RBFOX2: variants seen among roughly 807,000 people sequenced by gnomAD.
RBFOX2 encodes RNA binding fox-1 homolog 2.
Under a neutral mutation model 49.1 loss-of-function variants are expected in RBFOX2, and 10 were observed. The observed-to-expected ratio is 0.20, with a 90% confidence interval of 0.13 to 0.35. The LOEUF (loss-of-function observed/expected upper bound fraction) is 0.35. RBFOX2 is among the 10% of genes least tolerant of loss of function. The probability of loss-of-function intolerance (pLI) is 1.00; values close to 1 mark genes in which losing one functional copy is unlikely to be tolerated. For synonymous variants in RBFOX2, 183 were observed against 187.4 expected, an observed-to-expected ratio of 0.98 and a Z score of 0.19; for missense variants, 323 against 486.9, an observed-to-expected ratio of 0.66 and a Z score of 3.17.
chr22:36,018,255 C>T (rs1181330361), intron 1 of RBFOX2, among the ~76,000 whole-genome samples: 1 of 152,114 alleles, frequency 6.6e-6, no homozygotes, highest in Admixed American at 6.5e-5. Context: ...GAGCTATAGA[C>T]ATGATGTCTT....
At chr22:36,007,614 A>AT (rs974300445) in intron 1 of RBFOX2, among the ~76,000 whole-genome samples, 1 of 152,150 alleles carries the variant, frequency 6.6e-6, no homozygotes, top group Admixed American at 6.5e-5. Flanking sequence ...TGTTGGTATG[A>AT]TTTTTTTATA....
intron 1 of RBFOX2, among the ~76,000 whole-genome samples, chr22:35,820,162 G>GATAGAAATCCT (rs1954142439): frequency 1.3e-5 from 2 of 152,112 alleles, no homozygotes; most frequent in Non-Finnish European, 2.9e-5. Context: ...ACTGCAGGGA[G>GATAGAAATCCT]GTTAGCTTTT....
At chr22:35,762,042 A>G (rs2146366795) in intron 6 of RBFOX2, among the ~76,000 whole-genome samples, 1 of 152,344 alleles carries the variant, frequency 6.6e-6, no homozygotes, top group South Asian at 2.1e-4. Flanking sequence ...CTAAAAAAGG[A>G]AAGACATGAA....
At chr22:35,840,348 CGT>C in exon 1 of RBFOX2, 5 of 1,557,908 alleles carry the variant, frequency 3.2e-6, no homozygotes, top group Non-Finnish European at 2.6e-6. Flanking sequence ...CTCTTTATAC[CGT>C]TTTCCTTCCT....
chr22:35,878,171 T>G (rs2045406272), intron 1 of RBFOX2, among the ~76,000 whole-genome samples: 1 of 151,810 alleles, frequency 6.6e-6, no homozygotes, highest in Non-Finnish European at 1.5e-5. Context: ...CCGAGGTTGG[T>G]GGATCCCCTA....
At chr22:35,784,000 C>A (rs543878235) in intron 2 of RBFOX2, among the ~76,000 whole-genome samples, 2 of 152,294 alleles carry the variant, frequency 1.3e-5, no homozygotes, top group South Asian at 4.1e-4. Flanking sequence ...ACCCCGTGGC[C>A]CGTCCTCAGG....
chr22:35,824,880 T>C (rs1310217443), intron 1 of RBFOX2, among the ~76,000 whole-genome samples: 3 of 152,234 alleles, frequency 2.0e-5, no homozygotes, highest in Non-Finnish European at 4.4e-5. Context: ...AACTTCATTA[T>C]TATCATTATC....
chr22:35,879,158 G>A (rs2045549613), intron 1 of RBFOX2, among the ~76,000 whole-genome samples: 1 of 152,246 alleles, frequency 6.6e-6, no homozygotes. Context: ...GAAGACATGA[G>A]TATATCTGGA....
At chr22:35,752,325 C>T (rs1408820919) in intron 9 of RBFOX2, among the ~76,000 whole-genome samples, 3 of 152,120 alleles carry the variant, frequency 2.0e-5, no homozygotes, top group Admixed American at 2.0e-4. Context: ...ATGTGACTGA[C>T]AGATTAAAAG....
chr22:36,019,390 A>T (rs185519540), intron 1 of RBFOX2, among the ~76,000 whole-genome samples: 2 of 152,318 alleles, frequency 1.3e-5, no homozygotes, highest in Admixed American at 1.3e-4. Context: ...CACTTAATCA[A>T]TCAGAAGCAC....
At chr22:36,021,059 T>C (rs1024946528) in intron 1 of RBFOX2, among the ~76,000 whole-genome samples, 1 of 151,992 alleles carries the variant, frequency 6.6e-6, no homozygotes, top group Admixed American at 6.6e-5. Context: ...TGGAATACCA[T>C]GCAGCCCTAA....
chr22:35,768,406 T>C (rs1425052332), intron 4 of RBFOX2, 57 bp from the exon 6 acceptor site: 5 of 1,435,552 alleles, frequency 3.5e-6, no homozygotes, highest in Non-Finnish European at 4.9e-6. Flanking sequence ...GAAATACTGA[T>C]CTCTTGGTAA....
chr22:35,753,937 C>T (rs1935964638), intron 9 of RBFOX2, among the ~76,000 whole-genome samples: 1 of 151,832 alleles, frequency 6.6e-6, no homozygotes, highest in South Asian at 2.1e-4. Context: ...CGTGTGCCAC[C>T]ACGCCTGGCT....
chr22:35,885,746 T>C (rs1400257463), intron 1 of RBFOX2, among the ~76,000 whole-genome samples: 3 of 151,870 alleles, frequency 2.0e-5, no homozygotes, highest in Non-Finnish European at 4.4e-5. Flanking sequence ...GAATAGATGG[T>C]CTATATTTAA....
At chr22:35,936,146 A>AC (rs2053039307) in intron 1 of RBFOX2, among the ~76,000 whole-genome samples, 14 of 150,784 alleles carry the variant, frequency 9.3e-5, no homozygotes, top group African/African-American at 3.4e-4. Context: ...CCAGGGGTCA[A>AC]GGCTGCAGTG....
chr22:35,843,910 C>CA (rs1348155455), upstream of RBFOX2, among the ~76,000 whole-genome samples: 6 of 152,210 alleles, frequency 3.9e-5, no homozygotes, highest in Non-Finnish European at 8.8e-5. Flanking sequence ...AAGAAGTTAA[C>CA]ATTGCTGACC....
chr22:35,769,975 G>A (rs1315727443), intron 4 of RBFOX2, among the ~76,000 whole-genome samples: 2 of 152,138 alleles, frequency 1.3e-5, no homozygotes, highest in African/African-American at 4.8e-5. Flanking sequence ...TGCTTGGAAT[G>A]AAATACTACT....
At chr22:35,941,720 C>A (rs979438302), upstream of RBFOX2, among the ~76,000 whole-genome samples, 3 of 151,920 alleles carry the variant, frequency 2.0e-5, no homozygotes, top group African/African-American at 7.3e-5. Flanking sequence ...TCCTGGAGTT[C>A]AACAATGAAA....
intron 1 of RBFOX2, among the ~76,000 whole-genome samples, chr22:35,881,603 A>T (rs1046164486): frequency 3.4e-5 from 5 of 147,386 alleles, no homozygotes; most frequent in African/African-American, 1.0e-4. Flanking sequence ...AAAGGAAGAA[A>T]TTTTTTTTTA....
Sources: allele counts gnomAD v4.1 joint callset (sites outside exome capture counted in the v4.1 genomes callset), GRCh38; gene constraint gnomAD v4.1.1; transcripts MANE v1.5; gene names NCBI Gene and HGNC (gene_info 2026-07-23, HGNC 2026-07-21).